RBMS3: variants seen among roughly 807,000 people sequenced by gnomAD.
RBMS3 encodes RNA-binding motif, single-stranded-interacting protein 3.
RBMS3 carries 27 observed loss-of-function variants against 66.8 expected under a neutral mutation model. The ratio of observed to expected loss-of-function variants is 0.40; its 90% CI spans 0.30 to 0.56. The LOEUF is 0.56. Among genes scored for constraint, RBMS3 ranks in the 20% least tolerant of loss-of-function variants. The pLI is 0.40. For synonymous variants in RBMS3, 188 were observed against 183.0 expected, an observed-to-expected ratio of 1.03 and a Z score of -0.22; for missense variants, 513 against 549.5, an observed-to-expected ratio of 0.93 and a Z score of 0.66.
intron 1 of RBMS3, among the ~76,000 whole-genome samples, chr3:29,318,584 G>T (rs60443252): frequency 6.6e-6 from 1 of 151,820 alleles, no homozygotes; most frequent in Admixed American, 6.6e-5. Context: ...AATTATTTCC[G>T]AATGATTACC....
intron 2 of RBMS3, among the ~76,000 whole-genome samples, chr3:29,474,621 G>A (rs141201118): frequency 5.3e-5 from 8 of 152,292 alleles, no homozygotes; most frequent in African/African-American, 1.9e-4. Flanking sequence ...GACAAGGAAG[G>A]CACAATTTAT....
chr3:29,983,251 T>G (rs548251039), intron 12 of RBMS3, among the ~76,000 whole-genome samples: 178 of 149,146 alleles, frequency 1.2e-3, no homozygotes, highest in African/African-American at 4.2e-3. Flanking sequence ...TTTTTTTTTT[T>G]GCTTTCTATT....
At position 30,006,463 on chromosome 3, in the gene RBMS3, T is replaced by A. The variant is rs1388783464; in HGVS notation, c.*2601T>A. On this transcript the variant is annotated 3_prime_UTR_variant, in exon 15 of 15. Coordinates refer to ENST00000383767, the MANE Select transcript of RBMS3 (RefSeq NM_001003793.3). ...AATTCCAACTGGTCACACTCACCAT[T>A]ATGGTTTTTCATGCTTTAGAGAAAA... is the stretch of plus-strand genomic sequence containing the variant. The A allele has an allele frequency of 6.6e-6, 1 of 151,900 alleles. No homozygotes were observed. Among genetic ancestry groups the A allele is most frequent in the African/African-American group, 2.4e-5 (1 of 41,416 alleles). The allele number at this position is 151,900 out of a possible 1,614,324, so 9.4% of individuals were successfully genotyped here.
At chr3:29,865,376 T>C (rs1039278385) in intron 6 of RBMS3, among the ~76,000 whole-genome samples, 1 of 152,150 alleles carries the variant, frequency 6.6e-6, no homozygotes, top group Non-Finnish European at 1.5e-5. Context: ...AGTAGAAATA[T>C]GTTTCATAAA....
intron 4 of RBMS3, among the ~76,000 whole-genome samples, chr3:29,728,548 C>G (rs960187663): frequency 6.6e-6 from 1 of 152,126 alleles, no homozygotes; most frequent in Non-Finnish European, 1.5e-5. Flanking sequence ...GAAATGAAGG[C>G]AAGACAGTAT....
chr3:29,961,308 A>G (rs900386571), intron 12 of RBMS3, among the ~76,000 whole-genome samples: 1 of 152,172 alleles, frequency 6.6e-6, no homozygotes, highest in Non-Finnish European at 1.5e-5. Context: ...TTCATTGTCC[A>G]TATCACTATC....
rs57416088 is a variant in RBMS3 at position 29,653,209 on chromosome 3, G to A, written c.399+66004G>A. 3.2e-3 allele frequency among the ~76,000 whole-genome samples: 485 copies of A among 152,198 alleles called. 4 individuals carry two copies. Among genetic ancestry groups the A allele is most frequent in the African/African-American group, 0.011 (457 of 41,526 alleles). ...TTAATTCTAGATCTGTTGCTTATTA[G>A]CCATTAGATCTCAGATAAGCTAATT... is the stretch of plus-strand genomic sequence containing the variant. On this transcript the variant is annotated intron_variant, in intron 4 of 14. Coordinates refer to ENST00000383767, the MANE Select transcript of RBMS3 (RefSeq NM_001003793.3).
chr3:29,319,727 A>T (rs1018107544), intron 1 of RBMS3, among the ~76,000 whole-genome samples: 3 of 152,050 alleles, frequency 2.0e-5, no homozygotes, highest in African/African-American at 4.8e-5. Flanking sequence ...TTATTTGCAT[A>T]TTCTAATACT....
chr3:29,361,581 T>A (rs375753163), intron 1 of RBMS3, among the ~76,000 whole-genome samples: 5 of 152,188 alleles, frequency 3.3e-5, no homozygotes, highest in African/African-American at 1.2e-4. Flanking sequence ...TCTCCTGAAT[T>A]TGAATGTTGG....
intron 4 of RBMS3, among the ~76,000 whole-genome samples, chr3:29,702,786 G>A (rs1559587038): frequency 6.6e-6 from 1 of 152,160 alleles, no homozygotes; most frequent in Non-Finnish European, 1.5e-5. Flanking sequence ...GAACCCACCA[G>A]AAGGAAGAAA....
intron 5 of RBMS3, among the ~76,000 whole-genome samples, chr3:29,755,364 A>T (rs887123194): frequency 1.3e-5 from 2 of 152,230 alleles, no homozygotes; most frequent in Non-Finnish European, 2.9e-5. Context: ...TTCTTGAAAC[A>T]CACAGTCTTT....
intron 1 of RBMS3, among the ~76,000 whole-genome samples, chr3:29,398,521 G>C (rs761234938): frequency 6.6e-6 from 1 of 152,120 alleles, no homozygotes; most frequent in Non-Finnish European, 1.5e-5. Flanking sequence ...ATCTTGGTTT[G>C]GCAAAAGTCA....
At chr3:29,514,647 G>GCA (rs1491468146) in intron 3 of RBMS3, among the ~76,000 whole-genome samples, 1 of 39,228 alleles carries the variant, frequency 2.5e-5, no homozygotes, top group Non-Finnish European at 4.0e-5. Flanking sequence ...TGTGTGATAG[G>GCA]CACATATATA....
In RBMS3 at chr3:29,822,218, T is replaced by G. The variant is rs144081637; in HGVS notation, c.638-46640T>G. ...TCATTCACCACTTCCTGAGTCTGAG[T>G]GTGTGACTGCAAGTATTTGAGAACT... On this transcript the variant is annotated intron_variant, in intron 6 of 14. Coordinates refer to ENST00000383767, the MANE Select transcript of RBMS3 (RefSeq NM_001003793.3). 8.8e-4 allele frequency among the ~76,000 whole-genome samples: 134 copies of G among 152,282 alleles called. 4 individuals carry two copies. In the East Asian group the frequency reaches 0.022, roughly 25 times the overall value.
chr3:29,296,423 C>T (rs188286184), intron 1 of RBMS3, among the ~76,000 whole-genome samples: 41 of 151,780 alleles, frequency 2.7e-4, no homozygotes, highest in Admixed American at 1.1e-3. Flanking sequence ...ACTTGTTTGG[C>T]GCTGCTTAAT....
At chr3:29,847,096 A>G (rs2058800744) in intron 6 of RBMS3, among the ~76,000 whole-genome samples, 1 of 152,240 alleles carries the variant, frequency 6.6e-6, no homozygotes, top group South Asian at 2.1e-4. Flanking sequence ...AGTTATTTAC[A>G]TGACACAGCC....
At chr3:29,694,989 C>T (rs986097898) in intron 4 of RBMS3, among the ~76,000 whole-genome samples, 1 of 152,124 alleles carries the variant, frequency 6.6e-6, no homozygotes, top group Non-Finnish European at 1.5e-5. Flanking sequence ...TTTATCACTG[C>T]ACTTATAGGC....
At chr3:29,878,814 G>A (rs1464004226) in intron 7 of RBMS3, among the ~76,000 whole-genome samples, 1 of 152,096 alleles carries the variant, frequency 6.6e-6, no homozygotes, top group African/African-American at 2.4e-5. Flanking sequence ...GGCAAAAGCA[G>A]GAGGATCACT....
rs1201804678 is a variant in RBMS3 at position 29,942,658 on chromosome 3, A to G, written c.1051-1549A>G. Among the ~76,000 whole-genome samples, 3 of 151,840 alleles carry G rather than the reference A, an allele frequency of 2.0e-5. No homozygotes were observed. In the East Asian group the frequency reaches 5.8e-4, roughly 30 times the overall value. ...AAACAAGTGTGGCTATTTCCAGGTG[A>G]TGGGATTAGGAGTAATGTCTATTTT... On this transcript the variant is annotated intron_variant, in intron 11 of 14. Coordinates refer to ENST00000383767, the MANE Select transcript of RBMS3 (RefSeq NM_001003793.3).
Sources: gnomAD v4.1 joint callset for allele counts (sites outside exome capture counted in the v4.1 genomes callset) on GRCh38, gnomAD v4.1.1 for gene constraint, MANE v1.5 for transcripts, NCBI Gene and HGNC (gene_info 2026-07-23, HGNC 2026-07-21) for gene names.